The following TERT variants were observed in gnomAD, a reference collection of about 807,000 sequenced individuals.
TERT encodes telomerase catalytic subunit.
Under a neutral mutation model 104.0 loss-of-function variants are expected in TERT, and 42 were observed. That is an observed-to-expected ratio of 0.40 (90% CI 0.32 to 0.52). TERT has a LOEUF of 0.52. Ranked by LOEUF, TERT falls within the 20% of genes least tolerant of loss-of-function variation. TERT has a pLI of 0.43. For synonymous variants in TERT, 781 were observed against 725.6 expected, an observed-to-expected ratio of 1.08 and a Z score of -1.23; for missense variants, 1,101 against 1,610.3, an observed-to-expected ratio of 0.68 and a Z score of 5.41.
chr5:1,277,415 G>A (rs1048354776), intron 6 of TERT, among the ~76,000 whole-genome samples: 4 of 152,204 alleles, frequency 2.6e-5, no homozygotes, highest in East Asian at 1.9e-4. Context: ...TCCACGTGGC[G>A]AGTTCCACAA....
chr5:1,291,561 C>A (rs112748442), intron 2 of TERT, among the ~76,000 whole-genome samples: 11 of 35,928 alleles, frequency 3.1e-4, no homozygotes, highest in East Asian at 1.7e-3. Flanking sequence ...ACCCGGGGAC[C>A]GCGCCTCACT....
At chr5:1,281,195 A>G (rs2126646772) in intron 3 of TERT, among the ~76,000 whole-genome samples, 1 of 152,358 alleles carries the variant, frequency 6.6e-6, no homozygotes, top group Middle Eastern at 3.4e-3. Context: ...GTCGCACACC[A>G]TTAAATACGT....
rs1484882555 is a variant in TERT at position 1,294,191 on chromosome 5, A to C, written c.695T>G (p.Leu232Arg). The change falls in exon 2 of 16, where the codon CTG becomes CGG. Residue 232 changes from leucine to arginine, a missense_variant. This residue lies in a region of TERT where 504 missense variants were observed against 544.6 expected (regional missense o/e 0.93). Coordinates refer to ENST00000310581, the MANE Select transcript of TERT (RefSeq NM_198253.3). ...RRRGGSASRS[L>R]PLPKRPRRGA... ...ACGCCTGGGCCTCTTGGGCAACGGCAGACTTCGGCTGGCACTGCCCCCGCG... is the reference window on the plus strand; with the variant it reads ...ACGCCTGGGCCTCTTGGGCAACGGCCGACTTCGGCTGGCACTGCCCCCGCG... The C allele has an allele frequency of 1.9e-6, 3 of 1,582,556 alleles. No homozygotes were observed. The highest frequency in any genetic ancestry group is 2.6e-6 in the Non-Finnish European group (3 of 1,168,818).
intron 2 of TERT, among the ~76,000 whole-genome samples, chr5:1,285,096 C>T (rs565543902): frequency 1.3e-5 from 1 of 77,732 alleles, no homozygotes; most frequent in Non-Finnish European, 2.8e-5. Context: ...CCAGACACCA[C>T]ACATCCAGCT....
chr5:1,262,430 T>A lies in TERT; in HGVS notation c.2844-1830A>T, dbSNP rs1368432046. On this transcript the variant is annotated intron_variant, in intron 11 of 15. Transcript: ENST00000310581. This position sits in a 1 kb window ranked among gnomAD's most constrained non-coding sequence, Gnocchi z 5.6. The stretch of plus-strand genomic sequence containing the variant: ...TAAAATCTGGACAAGAAAATTCCCA[T>A]CTTACCACTTTTCCTTTTTCACTTT... Among the ~76,000 whole-genome samples, 1 of 152,234 alleles carries A rather than the reference T, an allele frequency of 6.6e-6. No individual in the cohort carries two copies. Among genetic ancestry groups the A allele is most frequent in the African/African-American group, 2.4e-5 (1 of 41,462 alleles).
Position 1,294,456 on chromosome 5 carries a change from C to G in TERT, c.430G>C (p.Val144Leu). The G allele has an allele frequency of 6.3e-7, 1 of 1,592,034 alleles. No homozygotes were observed. Among genetic ancestry groups the G allele is most frequent in the Non-Finnish European group, 8.5e-7 (1 of 1,177,104 alleles). ...SGAWGLLLRR[V>L]GDDVLVHLLA... ...AGGTGAACCAGCACGTCGTCGCCCACGCGGCGCAGCAGCAGCCCCCACGCC... is the reference window on the plus strand; with the variant it reads ...AGGTGAACCAGCACGTCGTCGCCCAGGCGGCGCAGCAGCAGCCCCCACGCC... The change falls in exon 2 of 16, where the codon GTG becomes CTG. Residue 144 changes from valine (V) to leucine (L), a missense_variant. Physicochemically the swap from Val to Leu is conservative, Grantham distance 32 (BLOSUM62 1). Transcript: ENST00000310581.
intron 15 of TERT, among the ~76,000 whole-genome samples, 159 bp downstream of exon 15, chr5:1,254,209 G>A (rs922032640): frequency 1.2e-4 from 19 of 152,284 alleles, no homozygotes; most frequent in Admixed American, 2.0e-4. Context: ...GGACACCAGC[G>A]TTTAATCACA....
chr5:1,263,541 C>T lies in TERT; in HGVS notation c.2843+863G>A, dbSNP rs1561192488. On this transcript the variant is annotated intron_variant, in intron 11 of 15. Coordinates refer to ENST00000310581, the MANE Select transcript of TERT (RefSeq NM_198253.3). This position sits in a 1 kb window ranked among gnomAD's most constrained non-coding sequence, Gnocchi z 5.3. ...GCCTCAGCCTCCCGCATAGCGGGGA[C>T]TACAGGCGTGTGCCACCAGGCCAGG... is the stretch of plus-strand genomic sequence containing the variant. 6.6e-6 allele frequency among the ~76,000 whole-genome samples: 1 copy of T among 152,118 alleles called. No homozygotes were observed. Among genetic ancestry groups the T allele is most frequent in the Non-Finnish European group, 1.5e-5 (1 of 68,026 alleles).
At chr5:1,254,194 C>T (rs965185784) in intron 15 of TERT, among the ~76,000 whole-genome samples, 174 bp downstream of exon 15, 1 of 152,164 alleles carries the variant, frequency 6.6e-6, no homozygotes, top group Non-Finnish European at 1.5e-5. Flanking sequence ...GGCTCCGTGG[C>T]CTGGGGACAC....
Position 1,294,562 on chromosome 5 carries a change from G to A in TERT, c.324C>T (p.Arg108=). The A allele has an allele frequency of 6.3e-7, 1 of 1,582,346 alleles. No homozygotes were observed. Among genetic ancestry groups the A allele is most frequent in the Non-Finnish European group, 8.5e-7 (1 of 1,172,044 alleles). ...AFGFALLDGA[R]GGPPEAFTTS... ...TGGTGAAGGCCTCGGGGGGGCCCCC[G>A]CGGGCCCCGTCCAGCAGCGCGAAGC... The change falls in exon 2 of 16, where the codon CGC becomes CGT. Residue 108 remains arginine (R), a synonymous_variant. Coordinates refer to ENST00000310581, the MANE Select transcript of TERT (RefSeq NM_198253.3).
Position 1,255,342 on chromosome 5 carries a change from G to A in TERT, c.3102C>T (p.Arg1034=), listed in dbSNP as rs752939718. 9 of 1,614,178 alleles carry A rather than the reference G, an allele frequency of 5.6e-6. No individual in the cohort carries two copies. The highest frequency in any genetic ancestry group is 2.2e-5 in the East Asian group (1 of 44,882). Residue 1034 remains arginine, a synonymous_variant, in exon 14 of 16, where the codon CGC becomes CGT. Coordinates refer to ENST00000310581, the MANE Select transcript of TERT (RefSeq NM_198253.3). The surrounding 1 kb of genome is among the most constrained non-coding windows in gnomAD (Gnocchi z 6.9). ...AGAGGGAGGCCGTGTCAGAGATGAC[G>A]CGCAGGAAAAATGTGGGGTTCTTCC... The part of the protein sequence containing the change: ...QVWKNPTFFL[R]VISDTASLCY...
In TERT at chr5:1,294,156, G is replaced by A. The variant is rs2126688108; in HGVS notation, c.730C>T (p.Pro244Ser). The A allele has an allele frequency of 6.3e-7, 1 of 1,581,712 alleles. No homozygotes were observed. The change falls in exon 2 of 16, where the codon CCT (proline) becomes TCT (serine). Residue 244 changes from proline to serine, a missense_variant. Coordinates refer to ENST00000310581, the MANE Select transcript of TERT (RefSeq NM_198253.3). Reference sequence around the variant, plus strand: ...CCAACGGGCGTCCGCTCCGGCTCAGGGGCAGCGCCACGCCTGGGCCTCTTG... The same window carrying A: ...CCAACGGGCGTCCGCTCCGGCTCAGAGGCAGCGCCACGCCTGGGCCTCTTG... The part of the protein sequence containing the change: ...LPKRPRRGAA[P>S]EPERTPVGQG...
In TERT at chr5:1,255,888, G is replaced by C. The variant is rs936357596; in HGVS notation, c.3033-477C>G. On this transcript the variant is annotated intron_variant, in intron 13 of 15. Transcript: ENST00000310581. This position sits in a 1 kb window ranked among gnomAD's most constrained non-coding sequence, Gnocchi z 6.9. ...CCCGCCCCTGTGGTGCATAAACCCT[G>C]GGTCTGGGGTGATGGTGTGAGGACC... Among the ~76,000 whole-genome samples the C allele has an allele frequency of 6.6e-6, 1 of 152,022 alleles. No homozygotes were observed. The highest frequency in any genetic ancestry group is 2.4e-5 in the African/African-American group (1 of 41,366).
intron 6 of TERT, among the ~76,000 whole-genome samples, chr5:1,276,752 G>A (rs887215650): frequency 4.6e-5 from 7 of 152,186 alleles, no homozygotes; most frequent in African/African-American, 1.7e-4. Context: ...TGTTCTAAAA[G>A]GAGGCGCAGA....
intron 9 of TERT, among the ~76,000 whole-genome samples, chr5:1,266,996 A>C (rs1447943336): frequency 2.6e-5 from 4 of 152,198 alleles, no homozygotes; most frequent in African/African-American, 9.6e-5. Flanking sequence ...CCTCAGGCCC[A>C]AGCCCAGCGC....
chr5:1,272,045 C>T (rs1749075827), intron 7 of TERT, 140 bp downstream of exon 7: 3 of 783,462 alleles, frequency 3.8e-6, no homozygotes, highest in Non-Finnish European at 6.6e-6. Flanking sequence ...AGGCACACAG[C>T]TCATCATGCC....
chr5:1,279,432 G>A lies in TERT; in HGVS notation c.1989C>T (p.Ser663=), dbSNP rs763907027. The change falls in exon 5 of 16, where the codon AGC becomes AGT. Residue 663 remains serine, a synonymous_variant. Coordinates refer to ENST00000310581, the MANE Select transcript of TERT (RefSeq NM_198253.3). ...RLTSRVKALF[S]VLNYERARRP... ...GCCGCGCCCGCTCGTAGTTGAGCACGCTGAACAGTGCCTTCACCCTCGAGG... is the reference window on the plus strand; with the variant it reads ...GCCGCGCCCGCTCGTAGTTGAGCACACTGAACAGTGCCTTCACCCTCGAGG... 1.4e-5 allele frequency: 22 copies of A among 1,550,708 alleles called. No homozygotes were observed. The highest frequency in any genetic ancestry group is 2.2e-4 in the Middle Eastern group (1 of 4,630).
Position 1,286,676 on chromosome 5 carries a change from G to A in TERT, c.1574-4052C>T, listed in dbSNP as rs1045710396. Among the ~76,000 whole-genome samples, 16 of 152,168 alleles carry A rather than the reference G, an allele frequency of 1.1e-4. No homozygotes were observed. Among genetic ancestry groups the A allele is most frequent in the African/African-American group, 3.6e-4 (15 of 41,436 alleles). ...GCAGATCACTTGAGGTCAGGAGTTT[G>A]AGACCAGCCTGGCCAACATGGTGAA... is the stretch of plus-strand genomic sequence containing the variant. On this transcript the variant is annotated intron_variant, in intron 2 of 15. Coordinates refer to ENST00000310581, the MANE Select transcript of TERT (RefSeq NM_198253.3). This position sits in a 1 kb window ranked among gnomAD's most constrained non-coding sequence, Gnocchi z 5.3.
intron 7 of TERT, among the ~76,000 whole-genome samples, chr5:1,271,758 C>T (rs932211071): frequency 2.0e-5 from 3 of 152,140 alleles, no homozygotes; most frequent in East Asian, 1.9e-4. Context: ...GGCTCAAACA[C>T]GGCCCGTCCT....
Sources: gnomAD v4.1 joint callset for allele counts (sites outside exome capture counted in the v4.1 genomes callset) on GRCh38, gnomAD v4.1.1 for gene constraint, gnomAD v4.1.1 regional missense constraint, Gnocchi (gnomAD v3.1) non-coding constraint, MANE v1.5 for transcripts, NCBI Gene and HGNC (gene_info 2026-07-23, HGNC 2026-07-21) for gene names.